The following SHTN1 variants were observed in gnomAD, a reference collection of about 807,000 sequenced individuals.
SHTN1 encodes shootin 1.
A neutral mutation model predicts 83.1 loss-of-function variants in SHTN1; 42 were observed. The ratio of observed to expected loss-of-function variants is 0.51; its 90% confidence interval spans 0.39 to 0.65. SHTN1 has a LOEUF of 0.65. Ranked by LOEUF, SHTN1 falls within the 30% of genes least tolerant of loss-of-function variation. The pLI, the probability that SHTN1 is intolerant of heterozygous loss-of-function variation, is 0.00. For missense variants in SHTN1, 622 were observed against 737.8 expected (o/e 0.84, Z 1.82); for synonymous variants, 224 against 247.7 (o/e 0.90, Z 0.90).
At chr10:117,121,090 A>T (rs1853917950) in intron 1 of SHTN1, among the ~76,000 whole-genome samples, 1 of 152,166 alleles carries the variant, frequency 6.6e-6, no homozygotes, top group South Asian at 2.1e-4. Flanking sequence ...GATTACAGGC[A>T]TGAATGACCA....
chr10:116,947,560 C>A (rs1342564623), intron 7 of SHTN1, among the ~76,000 whole-genome samples: 1 of 152,060 alleles, frequency 6.6e-6, no homozygotes, highest in Non-Finnish European at 1.5e-5. Flanking sequence ...GATTTTCAAG[C>A]CTATTTAAAC....
intron 1 of SHTN1, among the ~76,000 whole-genome samples, chr10:116,997,181 C>T (rs1851655099): frequency 6.6e-6 from 1 of 152,196 alleles, no homozygotes; most frequent in Non-Finnish European, 1.5e-5. Flanking sequence ...TGCGAGTAGA[C>T]TTTACCCCAG....
At position 117,047,758 on chromosome 10, in the gene SHTN1, C is replaced by CAA. The variant is rs11411347; in HGVS notation, c.-123+685_-123+686dup. On this transcript the variant is annotated intron_variant, in intron 2 of 17. Transcript: ENST00000392901. ...AAAGCATACACAAATACATAAAGAC[C>CAA]AAAAAAAAAAAAAAGTCTCTCTTTT... 9.8e-4 allele frequency among the ~76,000 whole-genome samples: 135 copies of CAA among 138,212 alleles called. 1 individual carries two copies. The highest frequency in any genetic ancestry group is 1.9e-3 in the South Asian group (8 of 4,302). 90.7% of individuals were successfully genotyped at this position (138,212 alleles called of 152,430 possible).
intron 16 of SHTN1, among the ~76,000 whole-genome samples, chr10:116,896,535 C>A (rs1357274762): frequency 2.0e-5 from 3 of 152,112 alleles, no homozygotes; most frequent in African/African-American, 7.2e-5. Flanking sequence ...AAAATACATA[C>A]ATCTGCAATG....
intron 10 of SHTN1, among the ~76,000 whole-genome samples, chr10:116,928,525 C>T (rs1033295318): frequency 2.0e-5 from 3 of 152,144 alleles, no homozygotes; most frequent in African/African-American, 4.8e-5. Context: ...CTACAGGAGA[C>T]GTAACACCTG....
At chr10:116,960,915 C>T (rs974893421) in intron 3 of SHTN1, among the ~76,000 whole-genome samples, 4 of 151,902 alleles carry the variant, frequency 2.6e-5, no homozygotes, top group South Asian at 2.1e-4. Flanking sequence ...CACCAATGCT[C>T]GAAAAATTGT....
intron 1 of SHTN1, among the ~76,000 whole-genome samples, chr10:117,124,836 GTTAT>G (rs1853980561): frequency 1.3e-5 from 2 of 152,214 alleles, no homozygotes; most frequent in Admixed American, 6.5e-5. Flanking sequence ...ACTGAAAGAA[GTTAT>G]TTGCCTAAGT....
intron 5 of SHTN1, among the ~76,000 whole-genome samples, chr10:116,953,391 T>A (rs1040712502): frequency 1.8e-4 from 28 of 152,312 alleles, no homozygotes; most frequent in Admixed American, 1.8e-3. Flanking sequence ...ATAGTATAAC[T>A]GGCTGCTTCC....
chr10:116,958,250 C>A (rs889386445), intron 4 of SHTN1, among the ~76,000 whole-genome samples: 1 of 152,212 alleles, frequency 6.6e-6, no homozygotes, highest in African/African-American at 2.4e-5. Context: ...AGAATGAAGT[C>A]ACACATATAA....
chr10:117,019,423 A>G (rs1023736831), intron 2 of SHTN1, among the ~76,000 whole-genome samples: 1 of 152,068 alleles, frequency 6.6e-6, no homozygotes, highest in African/African-American at 2.4e-5. Context: ...GGCTCAGGCA[A>G]TCCTCCTACT....
intron 1 of SHTN1, among the ~76,000 whole-genome samples, chr10:117,055,722 GC>G (rs1852817811): frequency 6.6e-6 from 1 of 152,096 alleles, no homozygotes; most frequent in Non-Finnish European, 1.5e-5. Flanking sequence ...TTTTAAATTA[GC>G]CAGGGATCGT....
At chr10:117,047,711 A>G (rs531537629) in intron 2 of SHTN1, among the ~76,000 whole-genome samples, 3 of 151,894 alleles carry the variant, frequency 2.0e-5, no homozygotes, top group Non-Finnish European at 4.4e-5. Context: ...GTATGCAGGG[A>G]AAGAAAACTC....
At chr10:116,963,035 G>GTTTTTTTTTTTTTTTTTTT in intron 3 of SHTN1, among the ~76,000 whole-genome samples, 1 of 45,262 alleles carries the variant, frequency 2.2e-5, no homozygotes, top group South Asian at 8.8e-4. Context: ...AATAATAAAA[G>GTTTTTTTTTTTTTTTTTTT]TTTTTTTTTT....
intron 1 of SHTN1, among the ~76,000 whole-genome samples, chr10:116,992,640 T>C (rs1309101258): frequency 6.6e-6 from 1 of 152,108 alleles, no homozygotes; most frequent in East Asian, 1.9e-4. Context: ...CTAACTAGTA[T>C]TACCTGAGAA....
upstream of SHTN1, among the ~76,000 whole-genome samples, chr10:117,008,936 A>T (rs1271257837): frequency 2.6e-5 from 4 of 152,160 alleles, no homozygotes; most frequent in Non-Finnish European, 5.9e-5. Flanking sequence ...CAATATGAAG[A>T]AACCCAATCT....
intron 2 of SHTN1, among the ~76,000 whole-genome samples, chr10:117,047,103 C>T (rs571406025): frequency 6.6e-6 from 1 of 152,200 alleles, no homozygotes; most frequent in Non-Finnish European, 1.5e-5. Context: ...CTCACTCTGT[C>T]GCCCAGGCTG....
At chr10:117,068,891 C>T (rs1458058590) in intron 1 of SHTN1, among the ~76,000 whole-genome samples, 2 of 152,074 alleles carry the variant, frequency 1.3e-5, no homozygotes, top group Non-Finnish European at 2.9e-5. Context: ...ATTATTTCCG[C>T]TTTTGTTTAT....
At chr10:116,958,083 G>A (rs147136476) in intron 4 of SHTN1, among the ~76,000 whole-genome samples, 57 of 152,144 alleles carry the variant, frequency 3.7e-4, no homozygotes, top group African/African-American at 1.3e-3. Context: ...AGAAAATTAC[G>A]AGGTCAAGCT....
chr10:116,922,228 T>C (rs1848592480), intron 11 of SHTN1, among the ~76,000 whole-genome samples: 1 of 152,114 alleles, frequency 6.6e-6, no homozygotes, highest in Non-Finnish European at 1.5e-5. Context: ...GGTACTTGAC[T>C]TCATTAGCTA....
Sources: gnomAD v4.1 joint callset for allele counts (sites outside exome capture counted in the v4.1 genomes callset) on GRCh38, gnomAD v4.1.1 for gene constraint, MANE v1.5 for transcripts, NCBI Gene and HGNC (gene_info 2026-07-23, HGNC 2026-07-21) for gene names.